The following CENPT variants were observed in gnomAD, a reference collection of about 807,000 sequenced individuals.
CENPT encodes interphase centromere complex protein 22.
CENPT carries 42 observed loss-of-function variants against 59.7 expected under a neutral mutation model. That is an observed-to-expected ratio of 0.70 (90% CI 0.55 to 0.91). CENPT has a LOEUF of 0.91. Among genes scored for constraint, CENPT ranks in the 40% least tolerant of loss-of-function variants. The pLI is 0.00. For missense variants in CENPT, 716 were observed against 713.4 expected, an observed-to-expected ratio of 1.00 and a Z score of -0.04; for synonymous variants, 295 against 289.6, an observed-to-expected ratio of 1.02 and a Z score of -0.19.
At position 67,833,216 on chromosome 16, in the gene CENPT, C is replaced by T. The variant is rs116387382; in HGVS notation, c.110+534G>A. Among the ~76,000 whole-genome samples, 1,057 of 152,336 alleles carry T rather than the reference C, an allele frequency of 6.9e-3. 14 individuals carry two copies. The highest frequency in any genetic ancestry group is 0.024 in the African/African-American group (1,004 of 41,582). ...TTAGCAAAGCATCTTCCAGTTGCTGCCTCCCAACTTCTGCCCAGGCTGTCC... is the reference window on the plus strand; with the variant it reads ...TTAGCAAAGCATCTTCCAGTTGCTGTCTCCCAACTTCTGCCCAGGCTGTCC... On this transcript the variant is annotated intron_variant, in intron 4 of 15. Coordinates refer to ENST00000562787, the MANE Select transcript of CENPT (RefSeq NM_025082.4).
At chr16:67,835,963 T>G (rs917313288) in intron 1 of CENPT, among the ~76,000 whole-genome samples, 4 of 152,098 alleles carry the variant, frequency 2.6e-5, no homozygotes, top group Non-Finnish European at 5.9e-5. Flanking sequence ...TTGGTCATGC[T>G]GGTCTCGAAC....
chr16:67,831,319 CTG>C lies in CENPT; in HGVS notation c.598_599del (p.Gln200ValfsTer67). ...GGGCCAAGCCAGGCCTCTGCACTGA[CTG>C]TGGCTGAAGAGGTGTGGCAAAGGTC... is the stretch of plus-strand genomic sequence containing the variant. ...NLTFATPLQP[Q>X]SVQRPGLARR... is the part of the protein sequence containing the mutation. On this transcript the variant is annotated frameshift_variant, in exon 10 of 16. Coordinates refer to ENST00000562787, the MANE Select transcript of CENPT (RefSeq NM_025082.4). LOFTEE classifies it high-confidence loss of function. The C allele has an allele frequency of 1.2e-6, 2 of 1,614,208 alleles. No homozygotes were observed. Among genetic ancestry groups the C allele is most frequent in the Non-Finnish European group, 1.7e-6 (2 of 1,180,030 alleles).
chr16:67,845,268 CTT>C (rs1406864712), intron 1 of CENPT, among the ~76,000 whole-genome samples: 2 of 152,312 alleles, frequency 1.3e-5, no homozygotes, highest in South Asian at 2.1e-4. Flanking sequence ...ACTCCCTTCT[CTT>C]TCTTACTTAT....
intron 10 of CENPT, chr16:67,830,918 T>C: frequency 5.7e-6 from 3 of 523,276 alleles, no homozygotes; most frequent in Non-Finnish European, 1.0e-5. Flanking sequence ...TCAGTTTGAA[T>C]TGGCCAGCTG....
At position 67,842,349 on chromosome 16, in the gene CENPT, C is replaced by T. The variant is rs1189448528; in HGVS notation, c.-492+5052G>A. 2.4e-5 allele frequency: 5 copies of T among 205,062 alleles called. No individual in the cohort carries two copies. Among genetic ancestry groups the T allele is most frequent in the Admixed American group, 6.1e-5 (1 of 16,476 alleles). The allele number at this position is 205,062 out of a possible 1,614,324, so 12.7% of individuals were successfully genotyped here. A position where few individuals can be genotyped will look rare whatever the true frequency, so the allele number is the denominator to read the frequency against. ...CCCACTCCCGAGCGCAGGCGGGCAGCCAGGCGGGCGGCGCGGCGCGGGCCG... is the reference window on the plus strand; with the variant it reads ...CCCACTCCCGAGCGCAGGCGGGCAGTCAGGCGGGCGGCGCGGCGCGGGCCG... On this transcript the variant is annotated intron_variant, in intron 1 of 15. Transcript: ENST00000562787. This position sits in a 1 kb window ranked among gnomAD's most constrained non-coding sequence, Gnocchi z 4.9.
intron 11 of CENPT, 112 bp downstream of exon 11, chr16:67,830,278 G>T: frequency 7.2e-7 from 1 of 1,379,998 alleles, no homozygotes; most frequent in Non-Finnish European, 1.0e-6. Flanking sequence ...GAAGGAGGCA[G>T]CCACAGCCAG....
At chr16:67,841,181 G>A in intron 1 of CENPT, among the ~76,000 whole-genome samples, 1 of 105,728 alleles carries the variant, frequency 9.5e-6, no homozygotes, top group Admixed American at 1.4e-4. Context: ...GCGACACAGT[G>A]AGACTCCTTT....
intron 3 of CENPT, among the ~76,000 whole-genome samples, chr16:67,834,637 G>T (rs1373075886): frequency 2.0e-5 from 3 of 152,068 alleles, no homozygotes; most frequent in African/African-American, 4.8e-5. Context: ...ATTTTTAAAA[G>T]ATCTGCTTTG....
chr16:67,838,571 G>A (rs1028362092), intron 1 of CENPT, among the ~76,000 whole-genome samples: 1 of 150,054 alleles, frequency 6.7e-6, no homozygotes, highest in Non-Finnish European at 1.5e-5. Context: ...GCTGTGAGCC[G>A]AGATCGTGCC....
intron 1 of CENPT, among the ~76,000 whole-genome samples, chr16:67,836,678 C>T (rs1439984451): frequency 6.6e-6 from 1 of 151,640 alleles, no homozygotes; most frequent in Non-Finnish European, 1.5e-5. Flanking sequence ...AATGGCGCAA[C>T]CTCTGCCTTC....
chr16:67,832,262 T>C lies in CENPT; in HGVS notation c.255A>G (p.Thr85=). 1 of 1,614,154 alleles carries C rather than the reference T, an allele frequency of 6.2e-7. No individual in the cohort carries two copies. Residue 85 remains threonine, a synonymous_variant, in exon 6 of 16, where the codon ACA becomes ACG. Transcript: ENST00000562787. ...GGATGTTCTTCAGCAGCGTCCGAGG[T>C]GTCTGTTCCTCCAAGTGCCCACTGG... is the stretch of plus-strand genomic sequence containing the variant. ...IQASGHLEEQ[T]PRTLLKNILL...
At position 67,829,972 on chromosome 16, in the gene CENPT, G is replaced by A; in HGVS notation, c.979C>T (p.His327Tyr). ...VSGEDEVEPLHDGVEEAEKKM... is the reference protein window; with the variant it reads ...VSGEDEVEPLYDGVEEAEKKM... ...TTCTCTGCCTCTTCAACTCCATCGT[G>A]TAAGGGCTCTACTTCATCTTCTCCA... The change falls in exon 12 of 16, where the codon CAC (histidine) becomes TAC (tyrosine). Residue 327 changes from histidine to tyrosine, a missense_variant. By Grantham distance (83) the His-to-Tyr change is moderately conservative (BLOSUM62 2). Transcript: ENST00000562787. 6.2e-7 allele frequency: 1 copy of A among 1,614,186 alleles called. No homozygotes were observed. The highest frequency in any genetic ancestry group is 8.5e-7 in the Non-Finnish European group (1 of 1,180,050).
At chr16:67,844,787 T>A (rs961823700) in intron 1 of CENPT, among the ~76,000 whole-genome samples, 1 of 151,936 alleles carries the variant, frequency 6.6e-6, no homozygotes, top group Non-Finnish European at 1.5e-5. Context: ...CCTCTATTTT[T>A]TTTTTTTTAT....
At position 67,828,463 on chromosome 16, in the gene CENPT, C is replaced by T. The variant is rs775761675; in HGVS notation, c.1562+11G>A. 6 of 1,614,216 alleles carry T rather than the reference C, an allele frequency of 3.7e-6. No individual in the cohort carries two copies. Among genetic ancestry groups the T allele is most frequent in the African/African-American group, 2.7e-5 (2 of 75,068 alleles). Reference sequence around the variant, plus strand: ...CCCCAGCCAGCACCCCCACACCTTCCGCCTTCTCACCGCCGCATCAGCAGC... The same window carrying T: ...CCCCAGCCAGCACCCCCACACCTTCTGCCTTCTCACCGCCGCATCAGCAGC... On this transcript the variant is annotated intron_variant, in intron 15 of 15. Transcript: ENST00000562787.
Position 67,842,902 on chromosome 16 carries a change from A to ACAG in CENPT, c.-492+4496_-492+4498dup, listed in dbSNP as rs955056927. On this transcript the variant is annotated intron_variant, in intron 1 of 15. Transcript: ENST00000562787. The surrounding 1 kb of genome is among the most constrained non-coding windows in gnomAD (Gnocchi z 4.9). ...AGCAGCAGCAGCAGCAACAGCAGCA[A>ACAG]CAGCAGCAGCAGCAGCAACAGCAGC... 148 of 1,583,172 alleles carry ACAG rather than the reference A, an allele frequency of 9.3e-5. No individual in the cohort carries two copies. The highest frequency in any genetic ancestry group is 4.9e-4 in the South Asian group (42 of 85,474).
chr16:67,828,890 C>T, intron 13 of CENPT, 47 bp from the exon 14 acceptor site: 5 of 1,529,558 alleles, frequency 3.3e-6, no homozygotes, highest in Non-Finnish European at 4.4e-6. Flanking sequence ...CTCAAGGAGG[C>T]TCTTATTCAA....
At position 67,843,558 on chromosome 16, in the gene CENPT, C is replaced by A; in HGVS notation, c.-492+3843G>T. On this transcript the variant is annotated intron_variant, in intron 1 of 15. Coordinates refer to ENST00000562787, the MANE Select transcript of CENPT (RefSeq NM_025082.4). The surrounding 1 kb of genome is among the most constrained non-coding windows in gnomAD (Gnocchi z 5.7). ...CCCCATCCAGCCAGGGGACCGCAGG[C>A]CATTGTTGAACTCCTCTATACTCCT... The A allele has an allele frequency of 6.5e-7, 1 of 1,541,844 alleles. No individual in the cohort carries two copies. Among genetic ancestry groups the A allele is most frequent in the Admixed American group, 1.9e-5 (1 of 53,046 alleles).
chr16:67,845,801 T>C (rs1184328585), intron 1 of CENPT, among the ~76,000 whole-genome samples: 2 of 152,218 alleles, frequency 1.3e-5, no homozygotes, highest in African/African-American at 4.8e-5. Flanking sequence ...AGCTGAGTAA[T>C]AAGCATCTAG....
chr16:67,837,864 TG>T (rs886527433), intron 1 of CENPT, among the ~76,000 whole-genome samples: 3 of 152,094 alleles, frequency 2.0e-5, no homozygotes, highest in African/African-American at 7.3e-5. Context: ...TAGACTAATA[TG>T]GGGTCTTGCA....
Sources: allele counts gnomAD v4.1 joint callset (sites outside exome capture counted in the v4.1 genomes callset), GRCh38; gene constraint gnomAD v4.1.1; non-coding constraint Gnocchi (gnomAD v3.1); transcripts MANE v1.5; gene names NCBI Gene and HGNC (gene_info 2026-07-23, HGNC 2026-07-21).